The following CDKAL1 variants were observed in gnomAD, a reference collection of about 807,000 sequenced individuals.
CDKAL1 encodes threonylcarbamoyladenosine tRNA methylthiotransferase.
CDKAL1 carries 32 observed loss-of-function variants against 68.2 expected under a neutral mutation model. That is an observed-to-expected ratio of 0.47 (90% CI 0.35 to 0.63). The LOEUF is 0.63. Among genes scored for constraint, CDKAL1 ranks in the 30% least tolerant of loss-of-function variants. CDKAL1 has a pLI of 0.00. For missense variants in CDKAL1, 606 were observed against 696.7 expected, an observed-to-expected ratio of 0.87 and a Z score of 1.47; for synonymous variants, 234 against 244.3, an observed-to-expected ratio of 0.96 and a Z score of 0.39.
At chr6:21,218,409 A>G (rs1779416363) in intron 15 of CDKAL1, among the ~76,000 whole-genome samples, 1 of 152,238 alleles carries the variant, frequency 6.6e-6, no homozygotes, top group African/African-American at 2.4e-5. Context: ...ACAAACATTT[A>G]TTACCTCACA....
intron 13 of CDKAL1, among the ~76,000 whole-genome samples, chr6:21,126,954 T>C (rs1029576663): frequency 6.6e-6 from 1 of 152,178 alleles, no homozygotes; most frequent in Non-Finnish European, 1.5e-5. Context: ...CAGGCTTACC[T>C]CCTTAGAGGT....
chr6:20,860,171 G>A (rs145298049), intron 9 of CDKAL1, among the ~76,000 whole-genome samples: 2,507 of 152,102 alleles, frequency 0.016, 63 homozygotes, highest in African/African-American at 0.057. Flanking sequence ...TTCGCCTCCC[G>A]GGTTCAAGCT....
At chr6:20,693,500 C>G (rs1246654511) in intron 5 of CDKAL1, among the ~76,000 whole-genome samples, 1 of 152,158 alleles carries the variant, frequency 6.6e-6, no homozygotes, top group Non-Finnish European at 1.5e-5. Flanking sequence ...GTTACTTTCT[C>G]CCTTCCCTCA....
At chr6:20,643,542 A>G (rs924264115) in intron 4 of CDKAL1, among the ~76,000 whole-genome samples, 2 of 152,212 alleles carry the variant, frequency 1.3e-5, no homozygotes, top group Non-Finnish European at 2.9e-5. Context: ...GAAGCCCAAC[A>G]ATGTGTGCAT....
At chr6:20,741,662 T>C (rs1773465268) in intron 6 of CDKAL1, among the ~76,000 whole-genome samples, 1 of 151,566 alleles carries the variant, frequency 6.6e-6, no homozygotes, top group Admixed American at 6.6e-5. Flanking sequence ...TGTTTTTTTA[T>C]GGCTGCATAG....
chr6:20,630,241 G>A (rs9465844), intron 4 of CDKAL1, among the ~76,000 whole-genome samples: 73,258 of 151,636 alleles, frequency 0.48, 17,861 homozygotes, highest in East Asian at 0.64. Context: ...TGTGTCTCTG[G>A]CATTGATAGC....
In CDKAL1 at chr6:20,961,722, G is replaced by A. The variant is rs568574202; in HGVS notation, c.909+6137G>A. Among the ~76,000 whole-genome samples, 209 of 149,780 alleles carry A rather than the reference G, an allele frequency of 1.4e-3. 2 individuals are homozygous for A. The highest frequency in any genetic ancestry group is 2.7e-3 in the Non-Finnish European group (183 of 67,644). On this transcript the variant is annotated intron_variant, in intron 10 of 15. Coordinates refer to ENST00000274695, the MANE Select transcript of CDKAL1 (RefSeq NM_017774.3). ...GTGGAGCTTGCAGTGAGCTGAGATCGCACCACCGCACTCCAGCCTGGGCAA... is the reference window on the plus strand; with the variant it reads ...GTGGAGCTTGCAGTGAGCTGAGATCACACCACCGCACTCCAGCCTGGGCAA...
chr6:20,647,512 C>G (rs1025760591), intron 4 of CDKAL1, among the ~76,000 whole-genome samples: 1 of 152,148 alleles, frequency 6.6e-6, no homozygotes, highest in Non-Finnish European at 1.5e-5. Context: ...CAAGGAGCAG[C>G]AGATAAAAAT....
chr6:21,149,416 G>A (rs1213458515), intron 13 of CDKAL1, among the ~76,000 whole-genome samples: 3 of 152,132 alleles, frequency 2.0e-5, no homozygotes, highest in African/African-American at 7.2e-5. Context: ...AAAGTGCTGG[G>A]ATTACAGGCA....
At chr6:21,159,763 T>C (rs1159278254) in intron 13 of CDKAL1, among the ~76,000 whole-genome samples, 1 of 152,224 alleles carries the variant, frequency 6.6e-6, no homozygotes, top group Non-Finnish European at 1.5e-5. Flanking sequence ...GGTTGAGATC[T>C]TACCTCCTGT....
At position 20,793,697 on chromosome 6, in the gene CDKAL1, A is replaced by G. The variant is rs552442036; in HGVS notation, c.638+12432A>G. Among the ~76,000 whole-genome samples the G allele has an allele frequency of 6.6e-5, 10 of 151,214 alleles. No individual in the cohort carries two copies. The East Asian group carries it at 9.7e-4, about 15-fold the overall frequency. The stretch of plus-strand genomic sequence containing the variant: ...TACTTTAATACTCCATTAAGTTTCA[A>G]TTTGTATGGTAGATATTCAAGGATG... On this transcript the variant is annotated intron_variant, in intron 8 of 15. Coordinates refer to ENST00000274695, the MANE Select transcript of CDKAL1 (RefSeq NM_017774.3).
intron 4 of CDKAL1, among the ~76,000 whole-genome samples, chr6:20,596,328 G>T (rs1765821246): frequency 6.6e-6 from 1 of 152,178 alleles, no homozygotes; most frequent in Non-Finnish European, 1.5e-5. Context: ...CCTCTGACTG[G>T]GGCTGTTGAC....
At position 20,846,554 on chromosome 6, in the gene CDKAL1, TTGGA is replaced by T. The variant is rs1470614476; in HGVS notation, c.742+377_742+380del. ...TTTTTCATCTCTTTCTTTGACATTT[TTGGA>T]CCATTTAGAAAATAGAGCTAATTAG... is the stretch of plus-strand genomic sequence containing the variant. On this transcript the variant is annotated intron_variant, in intron 9 of 15. Coordinates refer to ENST00000274695, the MANE Select transcript of CDKAL1 (RefSeq NM_017774.3). Among the ~76,000 whole-genome samples, 18 of 152,336 alleles carry T rather than the reference TTGGA, an allele frequency of 1.2e-4. No individual in the cohort carries two copies. In the East Asian group the frequency reaches 3.5e-3, roughly 29 times the overall value.
chr6:21,215,963 A>G (rs1779327647), intron 15 of CDKAL1, among the ~76,000 whole-genome samples: 1 of 152,160 alleles, frequency 6.6e-6, no homozygotes, highest in Admixed American at 6.5e-5. Flanking sequence ...GCCCAGTGTA[A>G]TCACAATGGT....
chr6:21,198,977 C>T (rs995096450), intron 14 of CDKAL1, among the ~76,000 whole-genome samples: 3 of 152,250 alleles, frequency 2.0e-5, no homozygotes, highest in Non-Finnish European at 4.4e-5. Context: ...TGTCTCCCAT[C>T]TCATGATAGC....
At chr6:20,705,888 T>TG (rs1348230731) in intron 5 of CDKAL1, among the ~76,000 whole-genome samples, 1 of 152,224 alleles carries the variant, frequency 6.6e-6, no homozygotes, top group Non-Finnish European at 1.5e-5. Flanking sequence ...TCACTTGTCC[T>TG]GTGTGGTGGG....
chr6:21,163,023 A>C (rs1371527947), intron 13 of CDKAL1, among the ~76,000 whole-genome samples: 1 of 152,190 alleles, frequency 6.6e-6, no homozygotes, highest in Non-Finnish European at 1.5e-5. Context: ...TAGCTTAACT[A>C]ATGCCACAGC....
intron 5 of CDKAL1, among the ~76,000 whole-genome samples, chr6:20,712,075 C>T (rs1166380849): frequency 6.6e-6 from 1 of 151,972 alleles, no homozygotes; most frequent in Non-Finnish European, 1.5e-5. Flanking sequence ...AAACAACAAA[C>T]AAAATCGGAT....
At chr6:20,690,569 A>T (rs142186992) in intron 5 of CDKAL1, among the ~76,000 whole-genome samples, 4 of 152,304 alleles carry the variant, frequency 2.6e-5, no homozygotes, top group African/African-American at 9.6e-5. Flanking sequence ...TAGTTTTGCT[A>T]ATTTAATGGA....
Sources: gnomAD v4.1 joint callset for allele counts (sites outside exome capture counted in the v4.1 genomes callset) on GRCh38, gnomAD v4.1.1 for gene constraint, MANE v1.5 for transcripts, NCBI Gene and HGNC (gene_info 2026-07-23, HGNC 2026-07-21) for gene names.